CCDC117: variants seen among roughly 807,000 people sequenced by gnomAD.
The protein encoded by CCDC117 is coiled-coil domain-containing protein 117.
CCDC117 carries 1 observed loss-of-function variant against 23.5 expected under a neutral mutation model. That is an observed-to-expected ratio of 0.04 (90% CI 0.02 to 0.20). The LOEUF (loss-of-function observed/expected upper bound fraction) is 0.20, where lower values mean the gene tolerates loss of function less well. Ranked by LOEUF, CCDC117 falls within the 10% of genes least tolerant of loss-of-function variation. The pLI, the probability that CCDC117 is intolerant of heterozygous loss-of-function variation, is 1.00. For synonymous variants in CCDC117, 132 were observed against 124.8 expected (o/e 1.06, Z -0.39); for missense variants, 383 against 348.2 (o/e 1.10, Z -0.80).
At chr22:28,773,493 A>C in intron 1 of CCDC117, 1 of 570,666 alleles carries the variant, frequency 1.8e-6, no homozygotes, top group Non-Finnish European at 3.2e-6. Flanking sequence ...GGTCCTCCCT[A>C]ATCTGTCTTC....
At chr22:28,776,619 T>G (rs1336064152) in intron 2 of CCDC117, among the ~76,000 whole-genome samples, 1 of 150,440 alleles carries the variant, frequency 6.6e-6, no homozygotes, top group Admixed American at 6.7e-5. Context: ...AGTTTCGCTC[T>G]TGTTGCCCAG....
intron 2 of CCDC117, among the ~76,000 whole-genome samples, chr22:28,774,729 T>G (rs530767526): frequency 6.6e-6 from 1 of 150,544 alleles, no homozygotes; most frequent in East Asian, 1.9e-4. Context: ...CCTGTTTTCA[T>G]TGTCTCCTTT....
chr22:28,782,969 T>C (rs1429092439), intron 3 of CCDC117, among the ~76,000 whole-genome samples: 1 of 152,254 alleles, frequency 6.6e-6, no homozygotes, highest in Non-Finnish European at 1.5e-5. Context: ...GTGATAATTC[T>C]CTGAAATATT....
intron 2 of CCDC117, among the ~76,000 whole-genome samples, chr22:28,779,053 C>G (rs976004274): frequency 6.6e-6 from 1 of 151,894 alleles, no homozygotes; most frequent in Non-Finnish European, 1.5e-5. Flanking sequence ...TGGTCTCAAA[C>G]ACTGGGCTCA....
rs1368494771 is a variant in CCDC117 at position 28,783,598 on chromosome 22, G to A, written c.555G>A (p.Leu185=). 1.2e-6 allele frequency: 2 copies of A among 1,613,792 alleles called. No individual in the cohort carries two copies. Among genetic ancestry groups the A allele is most frequent in the Non-Finnish European group, 1.7e-6 (2 of 1,179,870 alleles). ...TTTCTGATACCATGAAAACAGGTTT[G>A]AAGAGGGAATTTGATGAAGTTTTTA... ...LVLSDTMKTG[L]KREFDEVFTK... Residue 185 remains leucine (L), a synonymous_variant, in exon 4 of 5, where the codon TTG becomes TTA. Coordinates refer to ENST00000249064, the MANE Select transcript of CCDC117 (RefSeq NM_173510.4).
chr22:28,787,861 A>G lies in CCDC117; in HGVS notation c.*1535A>G, dbSNP rs868595356. On this transcript the variant is annotated 3_prime_UTR_variant, in exon 5 of 5. Coordinates refer to ENST00000249064, the MANE Select transcript of CCDC117 (RefSeq NM_173510.4). ...GGTTTCTTCCCCCTTTGTAGGAATC[A>G]GATACCTTTTGTAGAAAAAAATGGC... The G allele has an allele frequency of 5.2e-5, 8 of 152,450 alleles. No individual in the cohort carries two copies. The highest frequency in any genetic ancestry group is 2.0e-4 in the Admixed American group (3 of 15,272). The allele number at this position is 152,450 out of a possible 1,614,324, so 9.4% of individuals were successfully genotyped here.
chr22:28,782,880 T>C (rs897967350), intron 3 of CCDC117, among the ~76,000 whole-genome samples: 1 of 151,294 alleles, frequency 6.6e-6, no homozygotes, highest in East Asian at 2.0e-4. Context: ...CCCCGAAGTA[T>C]GTGCTTTTAA....
intron 2 of CCDC117, among the ~76,000 whole-genome samples, chr22:28,778,091 CGCCTCGGCCTCCCAAAGTG>C (rs974302893): frequency 1.7e-4 from 26 of 152,134 alleles, no homozygotes; most frequent in East Asian, 9.7e-4. Context: ...GTGATCCGCC[CGCCTCGGCCTCCCAAAGTG>C]GCCTCGGCCT....
rs1197412574 is a variant in CCDC117, at chr22:28,787,101, A to G, written c.*775A>G. The stretch of plus-strand genomic sequence containing the variant: ...TCTGCAATTTGCCTGTGGGAGAAGC[A>G]TCCTTTAGTTCATCTTAAGGAAGTG... On this transcript the variant is annotated 3_prime_UTR_variant, in exon 5 of 5. Coordinates refer to ENST00000249064, the MANE Select transcript of CCDC117 (RefSeq NM_173510.4). 2 of 152,644 alleles carry G rather than the reference A, an allele frequency of 1.3e-5. No homozygotes were observed. Among genetic ancestry groups the G allele is most frequent in the South Asian group, 2.1e-4 (1 of 4,830 alleles). The allele number at this position is 152,644 out of a possible 1,614,324, so 9.5% of individuals were successfully genotyped here.
intron 1 of CCDC117, chr22:28,773,432 T>G (rs2235432): frequency 0.15 from 56,814 of 385,736 alleles, 4,882 homozygotes; most frequent in African/African-American, 0.24. Flanking sequence ...GTGAGATTAT[T>G]TAAATAAAGT....
At chr22:28,780,619 C>T (rs1227947572) in intron 2 of CCDC117, among the ~76,000 whole-genome samples, 1 of 152,180 alleles carries the variant, frequency 6.6e-6, no homozygotes, top group Admixed American at 6.5e-5. Context: ...GCCACCACAC[C>T]TAGCCAACTT....
At chr22:28,781,948 C>G (rs1013941234) in intron 3 of CCDC117, among the ~76,000 whole-genome samples, 1 of 147,868 alleles carries the variant, frequency 6.8e-6, no homozygotes, top group African/African-American at 2.5e-5. Context: ...CAGCCCCCCC[C>G]CTTTTTTTTT....
intron 1 of CCDC117, chr22:28,773,516 A>G (rs775294843): frequency 1.4e-5 from 8 of 589,600 alleles, no homozygotes; most frequent in Non-Finnish European, 2.1e-5. Flanking sequence ...TTACGTTGAT[A>G]AAAGGACAAG....
chr22:28,783,694 A>G, intron 4 of CCDC117, 49 bp downstream of exon 4: 1 of 1,565,486 alleles, frequency 6.4e-7, no homozygotes, highest in Non-Finnish European at 8.8e-7. Context: ...TGGAGGGAAG[A>G]CCCAATGTCT....
rs191062565 is a variant in CCDC117 at position 28,783,293 on chromosome 22, G to A, written c.465-215G>A. Among the ~76,000 whole-genome samples the A allele has an allele frequency of 1.9e-3, 286 of 150,498 alleles. 1 individual carries two copies. Among genetic ancestry groups the A allele is most frequent in the South Asian group, 9.3e-3 (44 of 4,728 alleles). On this transcript the variant is annotated intron_variant, in intron 3 of 4. Transcript: ENST00000249064. ...TAACCTCAGGTGATCTGCCCGCCTCGGCCTCCCAAAGTGCTGGGATTACAG... is the reference window on the plus strand; with the variant it reads ...TAACCTCAGGTGATCTGCCCGCCTCAGCCTCCCAAAGTGCTGGGATTACAG...
In CCDC117 at chr22:28,781,339, T is replaced by TTTTTG. The variant is rs1569198920; in HGVS notation, c.464+171_464+172insGTTTT. On this transcript the variant is annotated intron_variant, in intron 3 of 4. Coordinates refer to ENST00000249064, the MANE Select transcript of CCDC117 (RefSeq NM_173510.4). The stretch of plus-strand genomic sequence containing the variant: ...TCGTTTTTGTTTTTTTGTTTTGTTT[T>TTTTTG]TTTTTTTTTTTTTTTTTTTTTTTTT... 6.2e-3 allele frequency among the ~76,000 whole-genome samples: 17 copies of TTTTTG among 2,732 alleles called. 1 individual carries two copies. Among genetic ancestry groups the TTTTTG allele is most frequent in the Non-Finnish European group, 8.3e-3 (15 of 1,798 alleles). The allele number at this position is 2,732 out of a possible 152,430, so 1.8% of individuals were successfully genotyped here. A position where few individuals can be genotyped will look rare whatever the true frequency, so the allele number is the denominator to read the frequency against.
intron 2 of CCDC117, among the ~76,000 whole-genome samples, chr22:28,774,470 C>A (rs1013851224): frequency 6.7e-6 from 1 of 149,756 alleles, no homozygotes; most frequent in African/African-American, 2.5e-5. Context: ...TCCTTGGGCT[C>A]AAATGATCCC....
chr22:28,786,111 G>C lies in CCDC117; in HGVS notation c.625G>C (p.Val209Leu). Residue 209 changes from valine (V) to leucine (L), a missense_variant, in exon 5 of 5, where the codon GTT becomes CTT. Val to Leu is a conservative substitution (Grantham distance 32, BLOSUM62 1). Coordinates refer to ENST00000249064, the MANE Select transcript of CCDC117 (RefSeq NM_173510.4). ...ESMSRPSMEL[V>L]LWKPLPELLS... ...TAGGAGCCGTCCTTCCATGGAGCTT[G>C]TTCTCTGGAAACCCCTCCCTGAACT... is the stretch of plus-strand genomic sequence containing the variant. 6.2e-7 allele frequency: 1 copy of C among 1,612,952 alleles called. No homozygotes were observed. Among genetic ancestry groups the C allele is most frequent in the Non-Finnish European group, 8.5e-7 (1 of 1,179,700 alleles).
rs1034307931 is a variant in CCDC117 at position 28,773,047 on chromosome 22, T to TCGGGCGCAGGGCGCAGGG, written c.185+20_185+37dup. 1.2e-5 allele frequency: 12 copies of TCGGGCGCAGGGCGCAGGG among 978,620 alleles called. No homozygotes were observed. The highest frequency in any genetic ancestry group is 1.4e-5 in the Non-Finnish European group (11 of 791,276). The allele number at this position is 978,620 out of a possible 1,614,324, so 60.6% of individuals were successfully genotyped here. On this transcript the variant is annotated intron_variant, in intron 1 of 4. Transcript: ENST00000249064. ...CGGCGCGCGGACGGTGAGGAGCCCG[T>TCGGGCGCAGGGCGCAGGG]CGGGCGCAGGGCGCAGGGCGGGCGG...
Sources: allele counts gnomAD v4.1 joint callset (sites outside exome capture counted in the v4.1 genomes callset), GRCh38; gene constraint gnomAD v4.1.1; transcripts MANE v1.5; gene names NCBI Gene and HGNC (gene_info 2026-07-23, HGNC 2026-07-21).